Variants in PDE12 observed in about 807,000 individuals in gnomAD.
PDE12 encodes phosphodiesterase 12, also known as 2',5'-phosphodiesterase 12.
PDE12 carries 26 observed loss-of-function variants against 45.4 expected under a neutral mutation model. The ratio of observed to expected loss-of-function variants is 0.57; its 90% CI spans 0.42 to 0.79. The LOEUF is 0.79. Ranked by LOEUF, PDE12 falls within the 30% of genes least tolerant of loss-of-function variation. PDE12 has a pLI of 0.00. For missense variants in PDE12, 668 were observed against 790.0 expected (o/e 0.85, Z 1.85); for synonymous variants, 283 against 323.9 (o/e 0.87, Z 1.36).
chr3:57,613,243 A>T, the PDE12 span, among the ~76,000 whole-genome samples: 1 of 150,326 alleles, frequency 6.7e-6, no homozygotes. Flanking sequence ...GGCCTCCCAA[A>T]GTGCTAGGAT....
chr3:57,632,021 C>CTTT, the PDE12 span, among the ~76,000 whole-genome samples: 4 of 96,030 alleles, frequency 4.2e-5, no homozygotes, highest in Admixed American at 1.3e-4. Flanking sequence ...CGCGCCCGGC[C>CTTT]TTTTTTTTTT....
At chr3:57,631,109 C>T in the PDE12 span, 1 of 702,518 alleles carries the variant, frequency 1.4e-6, no homozygotes, top group East Asian at 2.7e-5. Flanking sequence ...TCCATCACTC[C>T]CCACAAGAGA....
Position 57,559,228 on chromosome 3 carries a change from C to G in PDE12, c.1309-82C>G, listed in dbSNP as rs2069699820. ...AGAGTGAGACTGTCTCGAAAAAACT[C>G]AAAAAAACAAACAAACAAACAAAAA... On this transcript the variant is annotated intron_variant, in intron 1 of 2. Transcript: ENST00000311180. 2.6e-5 allele frequency: 32 copies of G among 1,238,342 alleles called. 1 individual carries two copies. In the South Asian group the frequency reaches 3.9e-4, roughly 15 times the overall value. The allele number at this position is 1,238,342 out of a possible 1,614,324, so 76.7% of individuals were successfully genotyped here. A position where few individuals can be genotyped will look rare whatever the true frequency, so the allele number is the denominator to read the frequency against.
At chr3:57,577,652 T>C in the PDE12 span, among the ~76,000 whole-genome samples, 3 of 152,326 alleles carry the variant, frequency 2.0e-5, no homozygotes, top group African/African-American at 7.2e-5. Context: ...TTGTATCTAT[T>C]TTTCCCCTTC....
chr3:57,558,065 C>A (rs888712651), intron 1 of PDE12, among the ~76,000 whole-genome samples: 1 of 152,140 alleles, frequency 6.6e-6, no homozygotes, highest in Non-Finnish European at 1.5e-5. Context: ...TTTTGAAGTG[C>A]TCCATAAATA....
chr3:57,636,670 C>G, the PDE12 span, among the ~76,000 whole-genome samples: 6 of 152,290 alleles, frequency 3.9e-5, no homozygotes, highest in Admixed American at 3.3e-4. Flanking sequence ...GGCGTGGTGG[C>G]TCACGCCTGT....
chr3:57,621,655 G>A, the PDE12 span, among the ~76,000 whole-genome samples: 1 of 152,018 alleles, frequency 6.6e-6, no homozygotes. Flanking sequence ...GCAAGAGTCT[G>A]TCTCAAAAAT....
the PDE12 span, among the ~76,000 whole-genome samples, chr3:57,643,617 C>T: frequency 4.6e-5 from 7 of 151,830 alleles, no homozygotes; most frequent in African/African-American, 1.7e-4. Context: ...CACTTGAGGT[C>T]AGGAGTTCGA....
chr3:57,601,416 A>C, the PDE12 span, among the ~76,000 whole-genome samples: 1 of 151,708 alleles, frequency 6.6e-6, no homozygotes, highest in Non-Finnish European at 1.5e-5. Context: ...GCCTCTGACT[A>C]TTTTTCTTAG....
rs1323513414 is a variant in PDE12 at position 57,562,691 on chromosome 3, T to C, written c.*2687T>C. 6.6e-6 allele frequency: 1 copy of C among 152,238 alleles called. No homozygotes were observed. The allele number at this position is 152,238 out of a possible 1,614,324, so 9.4% of individuals were successfully genotyped here. A position where few individuals can be genotyped will look rare whatever the true frequency, so the allele number is the denominator to read the frequency against. ...ACATTCTAGAATTTTATATTGATTA[T>C]AAAAGAGTATTTCAGAACATATTAT... On this transcript the variant is annotated 3_prime_UTR_variant, in exon 3 of 3. Coordinates refer to ENST00000311180, the MANE Select transcript of PDE12 (RefSeq NM_177966.7).
At chr3:57,624,444 G>A in the PDE12 span, among the ~76,000 whole-genome samples, 6 of 151,892 alleles carry the variant, frequency 4.0e-5, no homozygotes, top group African/African-American at 2.4e-5. Context: ...GCCCATGCCC[G>A]GCCATCTGAC....
the PDE12 span, among the ~76,000 whole-genome samples, chr3:57,573,641 C>T: frequency 3.9e-5 from 6 of 152,144 alleles, no homozygotes; most frequent in Admixed American, 2.6e-4. Flanking sequence ...AGTGCAGTGG[C>T]GTGATCTCGG....
In PDE12 at chr3:57,559,821, C is replaced by G; in HGVS notation, c.1647C>G (p.Tyr549Ter). ...KLKSACGEPA[Y>*]TNYVGGFHGC... The stretch of plus-strand genomic sequence containing the variant: ...AAAGTGCTTGTGGTGAACCTGCTTA[C>G]ACAAATTATGTTGGTGGCTTTCATG... Residue 549 changes from tyrosine (Y) to a stop codon, truncating the protein, a stop_gained, in exon 3 of 3, where the codon TAC (tyrosine) becomes TAG (stop). Coordinates refer to ENST00000311180, the MANE Select transcript of PDE12 (RefSeq NM_177966.7). LOFTEE classifies it high-confidence loss of function. The G allele has an allele frequency of 6.2e-7, 1 of 1,614,162 alleles. No homozygotes were observed. Among genetic ancestry groups the G allele is most frequent in the Non-Finnish European group, 8.5e-7 (1 of 1,180,032 alleles).
chr3:57,600,275 T>G, the PDE12 span: 12 of 152,338 alleles, frequency 7.9e-5, no homozygotes, highest in African/African-American at 2.4e-4. Flanking sequence ...TCTGTCTGCC[T>G]TGGCCTCCCA....
At chr3:57,568,348 G>A (rs1045246552), downstream of PDE12, among the ~76,000 whole-genome samples, 4 of 152,022 alleles carry the variant, frequency 2.6e-5, no homozygotes, top group African/African-American at 7.2e-5. Context: ...CCAGCTATGT[G>A]GGAGGCTGAG....
the PDE12 span, among the ~76,000 whole-genome samples, chr3:57,589,013 A>G: frequency 1.3e-5 from 2 of 150,442 alleles, no homozygotes; most frequent in African/African-American, 2.5e-5. Flanking sequence ...GAGGCAGGAG[A>G]ATTGCTTGAA....
the PDE12 span, among the ~76,000 whole-genome samples, chr3:57,613,076 G>C: frequency 6.6e-6 from 1 of 151,800 alleles, no homozygotes; most frequent in African/African-American, 2.4e-5. Context: ...CACCTCCCGG[G>C]TTCAAGCGAT....
the PDE12 span, among the ~76,000 whole-genome samples, chr3:57,641,152 C>A: frequency 7.0e-6 from 1 of 142,994 alleles, no homozygotes; most frequent in Non-Finnish European, 1.5e-5. Context: ...TTTTATTGGG[C>A]TTTTAAATAT....
At chr3:57,617,819 A>G in the PDE12 span, among the ~76,000 whole-genome samples, 2 of 151,936 alleles carry the variant, frequency 1.3e-5, no homozygotes, top group East Asian at 3.9e-4. Flanking sequence ...GTGAGCTGAG[A>G]TATTGTGCCA....
Sources: gnomAD v4.1 joint callset for allele counts (sites outside exome capture counted in the v4.1 genomes callset) on GRCh38, gnomAD v4.1.1 for gene constraint, MANE v1.5 for transcripts, NCBI Gene and HGNC (gene_info 2026-07-23, HGNC 2026-07-21) for gene names.